The following MCTP1 variants were observed in gnomAD, a reference collection of about 807,000 sequenced individuals.
MCTP1 encodes multiple C2 and transmembrane domain-containing protein 1.
Under a neutral mutation model 120.6 loss-of-function variants are expected in MCTP1, and 69 were observed. The observed-to-expected ratio is 0.57, with a 90% CI of 0.47 to 0.70. The LOEUF is 0.70. Among genes scored for constraint, MCTP1 ranks in the 30% least tolerant of loss-of-function variants. The pLI, the probability that MCTP1 is intolerant of heterozygous loss-of-function variation, is 0.00. For missense variants in MCTP1, 1,203 were observed against 1,248.8 expected, an observed-to-expected ratio of 0.96 and a Z score of 0.55; for synonymous variants, 529 against 493.1, an observed-to-expected ratio of 1.07 and a Z score of -0.96.
intron 18 of MCTP1, among the ~76,000 whole-genome samples, chr5:94,782,580 T>C (rs1381175874): frequency 6.6e-6 from 1 of 152,102 alleles, no homozygotes; most frequent in Non-Finnish European, 1.5e-5. Context: ...CTGCACAAAA[T>C]TGCAACCCTT....
chr5:94,899,433 A>G (rs957758847), intron 10 of MCTP1, among the ~76,000 whole-genome samples: 3 of 152,078 alleles, frequency 2.0e-5, no homozygotes, highest in Admixed American at 6.5e-5. Flanking sequence ...CTGATCTTTC[A>G]CTGTCCCAAA....
At chr5:94,957,115 C>G (rs1053642340) in intron 2 of MCTP1, among the ~76,000 whole-genome samples, 1 of 152,168 alleles carries the variant, frequency 6.6e-6, no homozygotes, top group African/African-American at 2.4e-5. Context: ...CAATATTCAA[C>G]ATTCTTAAAG....
At chr5:95,269,744 G>A (rs879493988) in intron 1 of MCTP1, among the ~76,000 whole-genome samples, 3 of 152,220 alleles carry the variant, frequency 2.0e-5, no homozygotes, top group Non-Finnish European at 4.4e-5. Flanking sequence ...TCAGATGTCT[G>A]TCAATATCTA....
At chr5:95,102,066 C>G (rs1050803060) in intron 1 of MCTP1, among the ~76,000 whole-genome samples, 3 of 152,128 alleles carry the variant, frequency 2.0e-5, no homozygotes, top group Non-Finnish European at 4.4e-5. Flanking sequence ...GTCTTTGCAG[C>G]TCCTCATGTT....
At chr5:94,755,945 CAG>C (rs1277081687) in intron 19 of MCTP1, among the ~76,000 whole-genome samples, 5 of 152,284 alleles carry the variant, frequency 3.3e-5, no homozygotes, top group African/African-American at 1.2e-4. Context: ...ATGTTAGAAA[CAG>C]AAGTAATTTT....
At chr5:95,142,232 C>T (rs1759991479) in intron 1 of MCTP1, among the ~76,000 whole-genome samples, 1 of 152,050 alleles carries the variant, frequency 6.6e-6, no homozygotes, top group South Asian at 2.1e-4. Context: ...GTCATTGTCT[C>T]CAGAAAAAAA....
chr5:95,238,583 G>A (rs900538821), intron 1 of MCTP1, among the ~76,000 whole-genome samples: 2 of 152,132 alleles, frequency 1.3e-5, no homozygotes, highest in Non-Finnish European at 2.9e-5. Context: ...CAGCCTCAGA[G>A]AGGTTGGACC....
intron 11 of MCTP1, among the ~76,000 whole-genome samples, chr5:94,892,512 A>G (rs570182049): frequency 1.5e-4 from 23 of 152,264 alleles, no homozygotes; most frequent in Non-Finnish European, 2.8e-4. Flanking sequence ...CTCCCCCTAA[A>G]AGAGGAAAAA....
chr5:94,746,824 C>T (rs767704860), intron 19 of MCTP1, among the ~76,000 whole-genome samples: 1 of 152,188 alleles, frequency 6.6e-6, no homozygotes, highest in Non-Finnish European at 1.5e-5. Context: ...ACTCCACAAC[C>T]TGGTCCCAAC....
At position 95,284,679 on chromosome 5, in the gene MCTP1, TGGCGGCGGC is replaced by T. The variant is rs71910468; in HGVS notation, c.-113_-105del. 6.1e-6 allele frequency: 6 copies of T among 980,642 alleles called. No homozygotes were observed. Among genetic ancestry groups the T allele is most frequent in the Middle Eastern group, 3.4e-4 (1 of 2,910 alleles). The allele number at this position is 980,642 out of a possible 1,614,324, so 60.7% of individuals were successfully genotyped here. On this transcript the variant is annotated 5_prime_UTR_variant, in exon 1 of 23. Transcript: ENST00000515393. This position sits in a 1 kb window ranked among gnomAD's most constrained non-coding sequence, Gnocchi z 5.2. ...TCCCGGGTCCCCGCGGCGCTGGCGG[TGGCGGCGGC>T]GGCGGCGGCGGGCGCAGCAGCAGAA...
chr5:95,109,895 C>CT (rs145186203), intron 1 of MCTP1, among the ~76,000 whole-genome samples: 3 of 152,118 alleles, frequency 2.0e-5, no homozygotes, highest in Admixed American at 2.0e-4. Flanking sequence ...ATATGCAAAA[C>CT]TTTTTTTTAA....
At chr5:95,031,497 GA>G (rs942321419) in intron 1 of MCTP1, among the ~76,000 whole-genome samples, 1 of 152,098 alleles carries the variant, frequency 6.6e-6, no homozygotes, top group African/African-American at 2.4e-5. Flanking sequence ...TTCTTTAAGA[GA>G]AAAATGCCAG....
intron 1 of MCTP1, among the ~76,000 whole-genome samples, chr5:95,105,607 A>G (rs1757027317): frequency 6.6e-6 from 1 of 152,040 alleles, no homozygotes; most frequent in Non-Finnish European, 1.5e-5. Flanking sequence ...TACCATCTCT[A>G]TATTCCAGGA....
chr5:95,275,396 G>A (rs964801493), intron 1 of MCTP1, among the ~76,000 whole-genome samples: 5 of 152,262 alleles, frequency 3.3e-5, no homozygotes, highest in Middle Eastern at 3.4e-3. Flanking sequence ...GCTCCTTCCA[G>A]AGGGCAGGGG....
intron 17 of MCTP1, chr5:94,825,995 C>T (rs984444712): frequency 3.0e-5 from 9 of 301,192 alleles, no homozygotes; most frequent in Non-Finnish European, 5.8e-5. Flanking sequence ...TCTGGTCCTC[C>T]CTGTTGCATC....
chr5:94,729,857 T>C (rs751895012), intron 19 of MCTP1, among the ~76,000 whole-genome samples: 1 of 152,218 alleles, frequency 6.6e-6, no homozygotes, highest in African/African-American at 2.4e-5. Context: ...TGGGAAGCCA[T>C]TGGAATGTTT....
intron 1 of MCTP1, among the ~76,000 whole-genome samples, chr5:95,281,804 T>C (rs1051698536): frequency 3.3e-5 from 5 of 152,232 alleles, no homozygotes; most frequent in Admixed American, 6.5e-5. Context: ...TAATCCATCA[T>C]AGAATTGATT....
chr5:94,732,340 T>G (rs1474301088), intron 19 of MCTP1, among the ~76,000 whole-genome samples: 3 of 152,166 alleles, frequency 2.0e-5, no homozygotes, highest in African/African-American at 7.2e-5. Context: ...TTTTTTTTTC[T>G]TAGCTCATTA....
chr5:95,195,953 T>C (rs188203459), intron 1 of MCTP1, among the ~76,000 whole-genome samples: 1 of 152,304 alleles, frequency 6.6e-6, no homozygotes, highest in East Asian at 1.9e-4. Flanking sequence ...GCTATTAGAT[T>C]GCATTCTGAA....
Sources: allele counts gnomAD v4.1 joint callset (sites outside exome capture counted in the v4.1 genomes callset), GRCh38; gene constraint gnomAD v4.1.1; non-coding constraint Gnocchi (gnomAD v3.1); transcripts MANE v1.5; gene names NCBI Gene and HGNC (gene_info 2026-07-23, HGNC 2026-07-21).